TBC1D14: variants seen among roughly 807,000 people sequenced by gnomAD.
TBC1D14 encodes the protein TBC1 domain family member 14, also known as TBC1 domain family, member 14.
Under a neutral mutation model 79.0 loss-of-function variants are expected in TBC1D14, and 26 were observed. The observed-to-expected ratio is 0.33, with a 90% CI of 0.24 to 0.46. The LOEUF is 0.46. Among genes scored for constraint, TBC1D14 ranks in the 20% least tolerant of loss-of-function variants. The probability of loss-of-function intolerance (pLI) is 1.00; values close to 1 mark genes in which losing one functional copy is unlikely to be tolerated. For missense variants in TBC1D14, 769 were observed against 887.6 expected, an observed-to-expected ratio of 0.87 and a Z score of 1.70; for synonymous variants, 394 against 349.9, an observed-to-expected ratio of 1.13 and a Z score of -1.40.
intron 2 of TBC1D14, among the ~76,000 whole-genome samples, chr4:6,930,993 C>T (rs1001739347): frequency 9.2e-5 from 14 of 151,946 alleles, no homozygotes; most frequent in African/African-American, 2.9e-4. Context: ...CTCTGCCTCC[C>T]GGGTTCAAAC....
At chr4:6,914,112 C>A (rs2108896992) in intron 1 of TBC1D14, among the ~76,000 whole-genome samples, 1 of 146,574 alleles carries the variant, frequency 6.8e-6, no homozygotes, top group East Asian at 2.0e-4. Context: ...TGTACTGCAG[C>A]CTGGGTGACA....
intron 2 of TBC1D14, among the ~76,000 whole-genome samples, chr4:6,943,981 C>T (rs1713174679): frequency 6.6e-6 from 1 of 152,196 alleles, no homozygotes; most frequent in Non-Finnish European, 1.5e-5. Context: ...TTTCCGATCG[C>T]GGGCACGGCA....
chr4:7,001,281 C>A (rs371015314), intron 7 of TBC1D14, 30 bp downstream of exon 7: 2 of 1,560,026 alleles, frequency 1.3e-6, no homozygotes, highest in Non-Finnish European at 8.8e-7. Context: ...CTGGGGAGTC[C>A]ACCTCCAGGC....
intron 5 of TBC1D14, among the ~76,000 whole-genome samples, chr4:6,997,628 A>C (rs1719198559): frequency 6.6e-6 from 1 of 152,208 alleles, no homozygotes; most frequent in African/African-American, 2.4e-5. Context: ...TCCATCTCAA[A>C]AAAAAATAAT....
intron 3 of TBC1D14, among the ~76,000 whole-genome samples, chr4:6,974,138 GC>G (rs1194924691): frequency 2.0e-5 from 3 of 152,220 alleles, no homozygotes; most frequent in Admixed American, 1.3e-4. Context: ...GAGCCGCTGC[GC>G]CCAGGCCTAG....
At chr4:6,919,555 G>A (rs992165816) in intron 1 of TBC1D14, among the ~76,000 whole-genome samples, 3 of 152,086 alleles carry the variant, frequency 2.0e-5, no homozygotes, top group Non-Finnish European at 4.4e-5. Flanking sequence ...CTATAACATT[G>A]TGATTAAATA....
At chr4:7,006,829 TG>T in intron 9 of TBC1D14, 103 bp downstream of exon 9, 1 of 1,045,044 alleles carries the variant, frequency 9.6e-7, no homozygotes, top group Non-Finnish European at 1.4e-6. Context: ...CTTGGGTTTT[TG>T]GGGGTGTTAG....
intron 1 of TBC1D14, chr4:6,910,535 C>T (rs1050979158): frequency 2.0e-5 from 3 of 152,462 alleles, no homozygotes; most frequent in Non-Finnish European, 2.9e-5. Flanking sequence ...CTTGGAGCCT[C>T]CCATTACCGG....
At chr4:7,013,189 G>A (rs1331671207) in intron 11 of TBC1D14, among the ~76,000 whole-genome samples, 1 of 152,246 alleles carries the variant, frequency 6.6e-6, no homozygotes, top group Non-Finnish European at 1.5e-5. Context: ...TTAGGACTGT[G>A]TGACTCTGCT....
intron 2 of TBC1D14, among the ~76,000 whole-genome samples, chr4:6,957,973 A>G (rs1360736430): frequency 6.8e-6 from 1 of 147,002 alleles, no homozygotes; most frequent in Non-Finnish European, 1.5e-5. Flanking sequence ...GGCTGTTTTT[A>G]TCATCCCCTT....
intron 13 of TBC1D14, among the ~76,000 whole-genome samples, chr4:7,028,080 C>T (rs1722641965): frequency 4.7e-5 from 7 of 148,498 alleles, no homozygotes. Flanking sequence ...ACCTACAGAT[C>T]ACCCCCCACA....
chr4:6,914,473 A>G (rs1723236389), intron 1 of TBC1D14, among the ~76,000 whole-genome samples: 1 of 152,086 alleles, frequency 6.6e-6, no homozygotes, highest in African/African-American at 2.4e-5. Flanking sequence ...AGATCAATCC[A>G]CTGTTTTAGG....
At chr4:6,924,949 G>A (rs1361988533) in intron 2 of TBC1D14, among the ~76,000 whole-genome samples, 1 of 152,096 alleles carries the variant, frequency 6.6e-6, no homozygotes, top group African/African-American at 2.4e-5. Flanking sequence ...ACTCCCGAAC[G>A]GTGGCGTGCT....
intron 1 of TBC1D14, among the ~76,000 whole-genome samples, chr4:6,915,538 G>T (rs574653757): frequency 6.6e-6 from 1 of 152,138 alleles, no homozygotes; most frequent in African/African-American, 2.4e-5. Context: ...GCCCAGCTCC[G>T]CCACAGTGGA....
intron 2 of TBC1D14, among the ~76,000 whole-genome samples, chr4:6,938,837 C>T (rs112252714): frequency 7.9e-4 from 121 of 152,314 alleles, no homozygotes; most frequent in African/African-American, 2.7e-3. Flanking sequence ...GGGCTGGCCT[C>T]CCAGGGGCCC....
chr4:7,032,994 T>A lies in TBC1D14; in HGVS notation c.*2602T>A, dbSNP rs1027061863. ...AACTCCTGATAACACTTGCTACATA[T>A]CATGTTTTAATTGCTTGTACAGTTA... On this transcript the variant is annotated 3_prime_UTR_variant, in exon 14 of 14. Coordinates refer to ENST00000409757, the MANE Select transcript of TBC1D14 (RefSeq NM_020773.3). 1 of 152,686 alleles carries A rather than the reference T, an allele frequency of 6.5e-6. No individual in the cohort carries two copies. Among genetic ancestry groups the A allele is most frequent in the African/African-American group, 2.4e-5 (1 of 41,468 alleles). 9.5% of individuals were successfully genotyped at this position (152,686 alleles called of 1,614,324 possible).
chr4:6,982,649 G>A (rs149185516), intron 3 of TBC1D14, among the ~76,000 whole-genome samples: 1 of 152,306 alleles, frequency 6.6e-6, no homozygotes, highest in East Asian at 1.9e-4. Flanking sequence ...TTCCACTTCT[G>A]TTAATTTCTC....
chr4:6,988,885 C>CTTTCTTTT lies in TBC1D14; in HGVS notation c.844-5296_844-5295insCTTTTTTT, dbSNP rs748889966. On this transcript the variant is annotated intron_variant, in intron 3 of 13. Coordinates refer to ENST00000409757, the MANE Select transcript of TBC1D14 (RefSeq NM_020773.3). ...TTCTTTTTTCTTTCTTTCTTTCTTT[C>CTTTCTTTT]TTTTTTTTTTTTTTTTTTTTTTTGA... is the stretch of plus-strand genomic sequence containing the variant. 5.5e-4 allele frequency among the ~76,000 whole-genome samples: 42 copies of CTTTCTTTT among 76,826 alleles called. 1 individual carries two copies. Among genetic ancestry groups the CTTTCTTTT allele is most frequent in the African/African-American group, 1.6e-3 (29 of 18,258 alleles). 50.4% of individuals were successfully genotyped at this position (76,826 alleles called of 152,430 possible).
At chr4:7,007,376 T>A in intron 9 of TBC1D14, 1 of 408,998 alleles carries the variant, frequency 2.4e-6, no homozygotes, top group East Asian at 7.4e-5. Context: ...CTGAACTCTT[T>A]AAAGACCTTC....
Sources: allele counts gnomAD v4.1 joint callset (sites outside exome capture counted in the v4.1 genomes callset), GRCh38; gene constraint gnomAD v4.1.1; transcripts MANE v1.5; gene names NCBI Gene and HGNC (gene_info 2026-07-23, HGNC 2026-07-21).